The following MALRD1 variants were observed in gnomAD, a reference collection of about 807,000 sequenced individuals.
The protein encoded by MALRD1 is MAM and LDL receptor class A domain containing 1, also known as MAM and LDL-receptor class A domain-containing protein 1.
MALRD1 carries 247 observed loss-of-function variants against 242.1 expected under a neutral mutation model. The observed-to-expected ratio is 1.02, with a 90% CI of 0.92 to 1.13. MALRD1 has a LOEUF of 1.13. Among genes scored for constraint, MALRD1 ranks in the 50% most tolerant of loss-of-function variants. The probability of loss-of-function intolerance (pLI) is 0.00; values close to 1 mark genes in which losing one functional copy is unlikely to be tolerated. For synonymous variants in MALRD1, 995 were observed against 866.6 expected (o/e 1.15, Z -2.60); for missense variants, 2,989 against 2,533.1 (o/e 1.18, Z -3.86).
chr10:19,722,157 A>C (rs1358877517), intron 38 of MALRD1: 2 of 152,164 alleles, frequency 1.3e-5, no homozygotes, highest in African/African-American at 2.4e-5. Flanking sequence ...AGAGATGAGG[A>C]AACCAGACAT....
chr10:19,137,961 G>A (rs952751279), intron 10 of MALRD1, among the ~76,000 whole-genome samples: 2 of 152,158 alleles, frequency 1.3e-5, no homozygotes, highest in Non-Finnish European at 2.9e-5. Context: ...ATTTTAGTGA[G>A]ATATTTTGTT....
At chr10:19,280,439 C>T (rs964113924) in intron 20 of MALRD1, among the ~76,000 whole-genome samples, 5 of 152,264 alleles carry the variant, frequency 3.3e-5, no homozygotes, top group South Asian at 2.1e-4. Context: ...TTTAGATTAA[C>T]GTTTTGGATT....
chr10:19,611,115 TA>T (rs1838875825), intron 35 of MALRD1, among the ~76,000 whole-genome samples: 1 of 152,002 alleles, frequency 6.6e-6, no homozygotes, highest in Admixed American at 6.6e-5. Flanking sequence ...TTCACTAGTA[TA>T]AAAATTCTAA....
At chr10:19,373,986 G>T (rs1845495128) in intron 26 of MALRD1, among the ~76,000 whole-genome samples, 1 of 152,122 alleles carries the variant, frequency 6.6e-6, no homozygotes, top group Non-Finnish European at 1.5e-5. Context: ...GTTCTTTACT[G>T]CTCTCTTAGC....
At chr10:19,061,931 T>C (rs1403590914) in intron 1 of MALRD1, among the ~76,000 whole-genome samples, 2 of 152,202 alleles carry the variant, frequency 1.3e-5, no homozygotes, top group South Asian at 2.1e-4. Flanking sequence ...ATTGACTTCA[T>C]TGAAATTAAA....
intron 30 of MALRD1, among the ~76,000 whole-genome samples, chr10:19,495,211 A>G (rs1361521836): frequency 2.0e-5 from 3 of 152,052 alleles, no homozygotes; most frequent in Non-Finnish European, 4.4e-5. Context: ...TCCTGATCTC[A>G]AGTGATCTGC....
chr10:19,214,928 C>G (rs1024660363), intron 18 of MALRD1, among the ~76,000 whole-genome samples: 1 of 152,174 alleles, frequency 6.6e-6, no homozygotes, highest in Admixed American at 6.5e-5. Context: ...TGCACTAAAA[C>G]TTTGGCTAAC....
intron 31 of MALRD1, among the ~76,000 whole-genome samples, chr10:19,528,422 A>T (rs1411325695): frequency 6.6e-6 from 1 of 152,070 alleles, no homozygotes; most frequent in Non-Finnish European, 1.5e-5. Flanking sequence ...GTGAAACCCC[A>T]TCTCTACCAA....
At chr10:19,205,330 CT>C in intron 17 of MALRD1, 65 bp downstream of exon 17, 1 of 1,460,672 alleles carries the variant, frequency 6.8e-7, no homozygotes, top group Non-Finnish European at 9.0e-7. Context: ...GATGAATTCA[CT>C]TTTGTCTTGC....
rs139584170 is a variant in MALRD1 at position 19,353,388 on chromosome 10, T to C, written c.4441+1091T>C. Among the ~76,000 whole-genome samples, 524 of 152,330 alleles carry C rather than the reference T, an allele frequency of 3.4e-3. 4 individuals carry two copies. Among genetic ancestry groups the C allele is most frequent in the African/African-American group, 0.012 (505 of 41,578 alleles). On this transcript the variant is annotated intron_variant, in intron 26 of 39. Transcript: ENST00000454679. Reference sequence around the variant, plus strand: ...GATATTTAAATTATATTTATTATAATTGATGAATATAAAAATGGTTTATTA... The same window carrying C: ...GATATTTAAATTATATTTATTATAACTGATGAATATAAAAATGGTTTATTA...
At chr10:19,702,358 C>T (rs576383533) in intron 38 of MALRD1, among the ~76,000 whole-genome samples, 1 of 152,182 alleles carries the variant, frequency 6.6e-6, no homozygotes, top group Non-Finnish European at 1.5e-5. Flanking sequence ...CCTGGCAGAG[C>T]TATTCAACCG....
intron 19 of MALRD1, among the ~76,000 whole-genome samples, chr10:19,278,367 C>G (rs1174362781): frequency 6.6e-6 from 1 of 152,108 alleles, no homozygotes; most frequent in African/African-American, 2.4e-5. Flanking sequence ...TGGTTTTCCT[C>G]TGTTTTCTTT....
In MALRD1 at chr10:19,337,938, TGTA is replaced by T. The variant is rs1843681520; in HGVS notation, c.3901+6359_3901+6361del. Reference sequence around the variant, plus strand: ...TTAGCTGGGCGTGGTGACACACACTTGTAGTCCCAGCTACTCGGGAGGCTGGGG... The same window carrying T: ...TTAGCTGGGCGTGGTGACACACACTTGTCCCAGCTACTCGGGAGGCTGGGG... On this transcript the variant is annotated intron_variant, in intron 24 of 39. Coordinates refer to ENST00000454679, the MANE Select transcript of MALRD1 (RefSeq NM_001142308.3). 3.9e-5 allele frequency among the ~76,000 whole-genome samples: 6 copies of T among 151,918 alleles called. No homozygotes were observed. The South Asian group carries it at 1.3e-3, about 32-fold the overall frequency.
At chr10:19,350,750 T>C (rs151242197) in intron 25 of MALRD1, among the ~76,000 whole-genome samples, 2 of 152,306 alleles carry the variant, frequency 1.3e-5, no homozygotes, top group African/African-American at 4.8e-5. Flanking sequence ...ATAAAACATA[T>C]GCCTCATATT....
intron 36 of MALRD1, among the ~76,000 whole-genome samples, chr10:19,680,255 A>G (rs1442345341): frequency 1.3e-5 from 2 of 152,112 alleles, no homozygotes; most frequent in South Asian, 2.1e-4. Flanking sequence ...GTCTTCCACT[A>G]TTATTGTGTG....
intron 18 of MALRD1, among the ~76,000 whole-genome samples, chr10:19,234,978 G>T (rs1197874371): frequency 6.6e-6 from 1 of 152,154 alleles, no homozygotes; most frequent in East Asian, 1.9e-4. Context: ...ACATGGATGG[G>T]AAGTAGCATG....
intron 30 of MALRD1, among the ~76,000 whole-genome samples, chr10:19,494,855 A>G (rs1429901996): frequency 6.6e-6 from 1 of 152,244 alleles, no homozygotes; most frequent in Non-Finnish European, 1.5e-5. Flanking sequence ...AATTGCTTTC[A>G]GGATATTGTT....
At position 19,128,255 on chromosome 10, in the gene MALRD1, C is replaced by G; in HGVS notation, c.978C>G (p.Phe326Leu). 1 of 1,233,514 alleles carries G rather than the reference C, an allele frequency of 8.1e-7. No homozygotes were observed. The highest frequency in any genetic ancestry group is 3.2e-5 in the East Asian group (1 of 31,682). The allele number at this position is 1,233,514 out of a possible 1,614,324, so 76.4% of individuals were successfully genotyped here. A position where few individuals can be genotyped will look rare whatever the true frequency, so the allele number is the denominator to read the frequency against. ...YYVWVGAKHG[F>L]TLNHLDSRAY... ...TATGGGTAGGCGCTAAGCATGGTTT[C>G]ACTCTTAACCATTTAGACAGCAGGG... The change falls in exon 8 of 40, where the codon TTC becomes TTG. Residue 326 changes from phenylalanine to leucine, a missense_variant. Physicochemically the swap from Phe to Leu is conservative, Grantham distance 22. Transcript: ENST00000454679.
At chr10:19,659,026 C>G (rs191376976) in intron 36 of MALRD1, among the ~76,000 whole-genome samples, 1 of 152,094 alleles carries the variant, frequency 6.6e-6, no homozygotes, top group Admixed American at 6.6e-5. Context: ...GTTTACCAAA[C>G]GGACCAAAAA....
Sources: allele counts gnomAD v4.1 joint callset (sites outside exome capture counted in the v4.1 genomes callset), GRCh38; gene constraint gnomAD v4.1.1; transcripts MANE v1.5; gene names NCBI Gene and HGNC (gene_info 2026-07-23, HGNC 2026-07-21).